SLC36A1: variants seen among roughly 807,000 people sequenced by gnomAD.
The protein encoded by SLC36A1 is proton-coupled amino acid transporter 1.
Under a neutral mutation model 47.5 loss-of-function variants are expected in SLC36A1, and 30 were observed. That is an observed-to-expected ratio of 0.63 (90% CI 0.47 to 0.86). The LOEUF (loss-of-function observed/expected upper bound fraction) is 0.86, where lower values mean the gene tolerates loss of function less well. Ranked by LOEUF, SLC36A1 falls within the 40% of genes least tolerant of loss-of-function variation. The pLI is 0.00. For synonymous variants in SLC36A1, 255 were observed against 249.7 expected, an observed-to-expected ratio of 1.02 and a Z score of -0.20; for missense variants, 517 against 606.0, an observed-to-expected ratio of 0.85 and a Z score of 1.54.
At chr5:151,480,357 G>A (rs1561780403) in intron 10 of SLC36A1, among the ~76,000 whole-genome samples, 1 of 152,064 alleles carries the variant, frequency 6.6e-6, no homozygotes, top group Non-Finnish European at 1.5e-5. Context: ...ACTTCCCTGA[G>A]AATTTTCTTA....
rs192338165 is a variant in SLC36A1, at chr5:151,491,196, G to A, written c.*2942G>A. ...CACCTCCTCCTAAATGCAGGCACTTGCTAGGAAGAGTGTGAGCTGGCGTCT... is the reference window on the plus strand; with the variant it reads ...CACCTCCTCCTAAATGCAGGCACTTACTAGGAAGAGTGTGAGCTGGCGTCT... On this transcript the variant is annotated 3_prime_UTR_variant, in exon 11 of 11. Transcript: ENST00000243389. 6.5e-6 allele frequency: 1 copy of A among 152,732 alleles called. No individual in the cohort carries two copies. Among genetic ancestry groups the A allele is most frequent in the African/African-American group, 2.4e-5 (1 of 41,576 alleles). The allele number at this position is 152,732 out of a possible 1,614,324, so 9.5% of individuals were successfully genotyped here.
the SLC36A1 span, among the ~76,000 whole-genome samples, chr5:151,535,290 G>C: frequency 2.0e-5 from 3 of 152,056 alleles, no homozygotes; most frequent in Admixed American, 6.5e-5. Context: ...CAATCTCTTT[G>C]ACCTTCTCCT....
chr5:151,385,585 A>G, the SLC36A1 span, among the ~76,000 whole-genome samples: 1 of 152,178 alleles, frequency 6.6e-6, no homozygotes, highest in African/African-American at 2.4e-5. Flanking sequence ...GCTCTGAGGA[A>G]GCAGATTCTG....
chr5:151,491,460 G>A lies in SLC36A1; in HGVS notation c.*3206G>A, dbSNP rs1229857913. 6.6e-6 allele frequency: 1 copy of A among 152,638 alleles called. No individual in the cohort carries two copies. Among genetic ancestry groups the A allele is most frequent in the Non-Finnish European group, 1.5e-5 (1 of 68,040 alleles). 9.5% of individuals were successfully genotyped at this position (152,638 alleles called of 1,614,324 possible). A position where few individuals can be genotyped will look rare whatever the true frequency, so the allele number is the denominator to read the frequency against. ...ATTTAGTTTTATCAGTAGTCTTAAA[G>A]TGTTGATCTCAAACAAGTACATTAG... On this transcript the variant is annotated 3_prime_UTR_variant, in exon 11 of 11. Coordinates refer to ENST00000243389, the MANE Select transcript of SLC36A1 (RefSeq NM_078483.4).
At chr5:151,346,790 A>G in the SLC36A1 span, among the ~76,000 whole-genome samples, 1 of 152,100 alleles carries the variant, frequency 6.6e-6, no homozygotes, top group Non-Finnish European at 1.5e-5. Context: ...ACTTTCCACA[A>G]AGTGTGTTTT....
At chr5:151,473,329 T>C (rs1757591732) in intron 7 of SLC36A1, among the ~76,000 whole-genome samples, 1 of 152,226 alleles carries the variant, frequency 6.6e-6, no homozygotes, top group African/African-American at 2.4e-5. Context: ...ACAGCTTTGC[T>C]CAGTGTTTTT....
At chr5:151,438,461 C>A (rs957366563) in intron 1 of SLC36A1, among the ~76,000 whole-genome samples, 3 of 152,014 alleles carry the variant, frequency 2.0e-5, no homozygotes, top group South Asian at 4.1e-4. Flanking sequence ...TCAGCACCCC[C>A]TATAACTCAT....
chr5:151,395,277 T>C, the SLC36A1 span, among the ~76,000 whole-genome samples: 1 of 152,048 alleles, frequency 6.6e-6, no homozygotes, highest in Admixed American at 6.5e-5. Flanking sequence ...AGGGTGGGAG[T>C]GACCCAATTT....
the SLC36A1 span, chr5:151,534,671 T>C: frequency 6.3e-7 from 1 of 1,583,116 alleles, no homozygotes; most frequent in South Asian, 1.1e-5. Context: ...AAAGTTGAGC[T>C]TTCTCTGGGG....
chr5:151,406,093 G>A, the SLC36A1 span, among the ~76,000 whole-genome samples: 4 of 152,184 alleles, frequency 2.6e-5, no homozygotes, highest in Non-Finnish European at 5.9e-5. Flanking sequence ...CTGGGCATTA[G>A]GAGTGCCCCC....
the SLC36A1 span, chr5:151,419,844 A>G: frequency 6.6e-6 from 1 of 152,186 alleles, no homozygotes; most frequent in Admixed American, 6.5e-5. Context: ...TGGGACCTCA[A>G]CGGGATCTGC....
At chr5:151,353,744 G>A in the SLC36A1 span, among the ~76,000 whole-genome samples, 11,984 of 151,888 alleles carry the variant, frequency 0.079, 1,156 homozygotes, top group African/African-American at 0.23. Context: ...CTAACTCCTG[G>A]CAACTACTGA....
chr5:151,389,263 C>G, the SLC36A1 span, among the ~76,000 whole-genome samples: 1 of 151,858 alleles, frequency 6.6e-6, no homozygotes, highest in Non-Finnish European at 1.5e-5. Context: ...TCATGCCTTT[C>G]CATGTGCTGT....
At chr5:151,362,027 G>T in the SLC36A1 span, among the ~76,000 whole-genome samples, 1 of 152,104 alleles carries the variant, frequency 6.6e-6, no homozygotes, top group African/African-American at 2.4e-5. Context: ...TTGAGAGTTT[G>T]ATTATCATAA....
the SLC36A1 span, among the ~76,000 whole-genome samples, chr5:151,351,336 C>T: frequency 2.0e-5 from 3 of 151,506 alleles, no homozygotes; most frequent in East Asian, 1.9e-4. Context: ...GAGACGAGAT[C>T]GCACCACTGC....
chr5:151,362,302 G>C, the SLC36A1 span, among the ~76,000 whole-genome samples: 1 of 149,260 alleles, frequency 6.7e-6, no homozygotes, highest in African/African-American at 2.5e-5. Context: ...CAAGCTCACT[G>C]TTTCTATATA....
chr5:151,344,856 A>G, the SLC36A1 span, among the ~76,000 whole-genome samples: 2 of 152,298 alleles, frequency 1.3e-5, no homozygotes, highest in South Asian at 4.2e-4. Context: ...AAAAGGGGAA[A>G]GGGCAGGCAG....
chr5:151,424,645 C>T, the SLC36A1 span, among the ~76,000 whole-genome samples: 3 of 152,062 alleles, frequency 2.0e-5, no homozygotes, highest in African/African-American at 2.4e-5. Flanking sequence ...AGGTATGATC[C>T]TCTGGCCTAG....
the SLC36A1 span, among the ~76,000 whole-genome samples, chr5:151,420,879 T>TTTC: frequency 1.0e-5 from 1 of 97,544 alleles, no homozygotes; most frequent in East Asian, 7.1e-4. Context: ...TCTTTCTTTC[T>TTTC]TTTTTTTTTT....
Sources: allele counts gnomAD v4.1 joint callset (sites outside exome capture counted in the v4.1 genomes callset), GRCh38; gene constraint gnomAD v4.1.1; transcripts MANE v1.5; gene names NCBI Gene and HGNC (gene_info 2026-07-23, HGNC 2026-07-21).